PHF21A: variants seen among roughly 807,000 people sequenced by gnomAD.
PHF21A encodes the protein PHD finger protein 21A.
A neutral mutation model predicts 82.5 loss-of-function variants in PHF21A; 11 were observed. The ratio of observed to expected loss-of-function variants is 0.13; its 90% CI spans 0.08 to 0.22. PHF21A has a LOEUF of 0.22. Ranked by LOEUF, PHF21A falls within the 10% of genes least tolerant of loss-of-function variation. PHF21A has a pLI of 1.00. For missense variants in PHF21A, 579 were observed against 837.8 expected, an observed-to-expected ratio of 0.69 and a Z score of 3.81; for synonymous variants, 297 against 302.8, an observed-to-expected ratio of 0.98 and a Z score of 0.20.
rs907420883 is a variant in PHF21A, at chr11:46,059,648, C to T, written c.153+17106G>A. On this transcript the variant is annotated intron_variant, in intron 6 of 18. Transcript: ENST00000676320. ...CCATGGTGCCTAGGTTGGTCTCAAA[C>T]TGGCCTCAAAGGATCCTTCTGCCTC... Among the ~76,000 whole-genome samples, 3 of 152,124 alleles carry T rather than the reference C, an allele frequency of 2.0e-5. 1 individual carries two copies. The highest frequency in any genetic ancestry group is 1.3e-4 in the Admixed American group (2 of 15,260).
chr11:45,958,356 GGTTCAAGA>G (rs2092815498), intron 10 of PHF21A, among the ~76,000 whole-genome samples: 1 of 124,892 alleles, frequency 8.0e-6, no homozygotes, highest in South Asian at 2.9e-4. Context: ...TGAGCTCAGG[GGTTCAAGA>G]CCAGCCTGAG....
chr11:45,995,410 A>G (rs1368790121), intron 6 of PHF21A, among the ~76,000 whole-genome samples: 1 of 152,190 alleles, frequency 6.6e-6, no homozygotes, highest in Non-Finnish European at 1.5e-5. Context: ...AATCATTCTT[A>G]CACAGGGGTG....
At chr11:46,001,421 A>C (rs1001157713) in intron 6 of PHF21A, among the ~76,000 whole-genome samples, 39 of 151,750 alleles carry the variant, frequency 2.6e-4, no homozygotes, top group Admixed American at 1.3e-3. Context: ...TGTAGATTCT[A>C]ATGAGATAAG....
At position 46,103,797 on chromosome 11, in the gene PHF21A, C is replaced by T. The variant is rs113981588; in HGVS notation, c.-236-11574G>A. On this transcript the variant is annotated intron_variant, in intron 1 of 18. Transcript: ENST00000676320. The stretch of plus-strand genomic sequence containing the variant: ...AGACCAAAAACGTTCAGATCCTGAT[C>T]AGTAGTGAATGAACAAAGTTAATTA... Among the ~76,000 whole-genome samples the T allele has an allele frequency of 2.9e-3, 437 of 152,294 alleles. 1 individual carries two copies. Among genetic ancestry groups the T allele is most frequent in the Non-Finnish European group, 4.3e-3 (293 of 68,022 alleles).
At chr11:46,094,941 C>A (rs1342422561) in intron 1 of PHF21A, among the ~76,000 whole-genome samples, 1 of 152,080 alleles carries the variant, frequency 6.6e-6, no homozygotes, top group African/African-American at 2.4e-5. Flanking sequence ...TAAGGGATCC[C>A]CATGAATGGG....
At chr11:46,024,483 TC>T (rs2095699327) in intron 6 of PHF21A, among the ~76,000 whole-genome samples, 1 of 152,194 alleles carries the variant, frequency 6.6e-6, no homozygotes, top group African/African-American at 2.4e-5. Flanking sequence ...TTCTATTTTT[TC>T]CTCTATACTT....
intron 5 of PHF21A, 137 bp downstream of exon 5, chr11:46,078,997 G>T: frequency 1.8e-6 from 1 of 542,220 alleles, no homozygotes; most frequent in Non-Finnish European, 3.3e-6. Flanking sequence ...GAAGATCAAT[G>T]TATTAAAAAT....
intron 6 of PHF21A, among the ~76,000 whole-genome samples, chr11:46,073,614 C>T (rs1047593541): frequency 1.1e-4 from 16 of 152,196 alleles, no homozygotes; most frequent in African/African-American, 3.9e-4. Context: ...TTTTTGCATA[C>T]GTTTACACGC....
At chr11:45,979,702 G>A in intron 7 of PHF21A, 58 bp downstream of exon 7, 1 of 1,611,024 alleles carries the variant, frequency 6.2e-7, no homozygotes, top group South Asian at 1.1e-5. Context: ...AGTTCTATAT[G>A]ACCAACAACA....
intron 1 of PHF21A, among the ~76,000 whole-genome samples, chr11:46,109,584 G>A (rs2097188271): frequency 6.6e-6 from 1 of 151,958 alleles, no homozygotes; most frequent in Non-Finnish European, 1.5e-5. Context: ...TCATTCCCAT[G>A]ACAACACACC....
intron 6 of PHF21A, 90 bp from the exon 7 acceptor site, chr11:45,980,056 T>C: frequency 1.3e-6 from 2 of 1,562,984 alleles, no homozygotes; most frequent in Non-Finnish European, 1.7e-6. Context: ...TTTCTATAAA[T>C]AGCTTCATCT....
chr11:46,076,570 T>C (rs1431107581), intron 6 of PHF21A, among the ~76,000 whole-genome samples, 184 bp downstream of exon 6: 1 of 152,188 alleles, frequency 6.6e-6, no homozygotes, highest in Non-Finnish European at 1.5e-5. Flanking sequence ...TGGGATACTC[T>C]AGAGACTGAT....
rs1218452237 is a variant in PHF21A at position 45,945,149 on chromosome 11, C to G, written c.1452+691G>C. Among the ~76,000 whole-genome samples, 3 of 152,348 alleles carry G rather than the reference C, an allele frequency of 2.0e-5. No homozygotes were observed. In the East Asian group the frequency reaches 5.8e-4, roughly 29 times the overall value. ...CCTCTTTAGATGAGCTCCTTGAGGA[C>G]AGGGAGTTGGTTTTGTTCCCTGCTG... On this transcript the variant is annotated intron_variant, in intron 15 of 18. Transcript: ENST00000676320.
In PHF21A at chr11:46,001,494, C is replaced by A. The variant is rs2095130256; in HGVS notation, c.154-21528G>T. On this transcript the variant is annotated intron_variant, in intron 6 of 18. Transcript: ENST00000676320. ...TAACAATAGAAGCTCCAGTTGGTGT[C>A]TCCGTCACATGCACCACAGCATCAA... Among the ~76,000 whole-genome samples the A allele has an allele frequency of 2.0e-5, 3 of 152,068 alleles. No homozygotes were observed. The South Asian group carries it at 6.2e-4, about 32-fold the overall frequency.
chr11:46,081,064 T>C (rs1480359066), intron 4 of PHF21A, among the ~76,000 whole-genome samples: 2 of 152,192 alleles, frequency 1.3e-5, no homozygotes, highest in African/African-American at 2.4e-5. Context: ...GACGAGTGAA[T>C]AGGTTGTAAT....
chr11:46,062,773 A>C (rs974042536), intron 6 of PHF21A, among the ~76,000 whole-genome samples: 1 of 152,250 alleles, frequency 6.6e-6, no homozygotes, highest in Non-Finnish European at 1.5e-5. Context: ...GTTTCTTAAA[A>C]AGTTAAAAAC....
intron 16 of PHF21A, 94 bp downstream of exon 16, chr11:45,938,063 G>A (rs1565151390): frequency 5.4e-6 from 6 of 1,105,760 alleles, no homozygotes; most frequent in African/African-American, 1.6e-5. Context: ...CTGGGAGAGA[G>A]AAGAGACTGC....
Position 46,096,187 on chromosome 11 carries a change from G to A in PHF21A, c.-236-3964C>T, listed in dbSNP as rs1165271099. Among the ~76,000 whole-genome samples the A allele has an allele frequency of 3.3e-5, 5 of 151,666 alleles. 1 individual carries two copies. In the East Asian group the frequency reaches 9.7e-4, roughly 29 times the overall value. ...GTACCCACCTCTCTTACCCTCTCCTGGACATTCCTCTAGCTCTTTTCCTTT... is the reference window on the plus strand; with the variant it reads ...GTACCCACCTCTCTTACCCTCTCCTAGACATTCCTCTAGCTCTTTTCCTTT... On this transcript the variant is annotated intron_variant, in intron 1 of 18. Coordinates refer to ENST00000676320, the MANE Select transcript of PHF21A (RefSeq NM_001352027.3).
intron 3 of PHF21A, among the ~76,000 whole-genome samples, chr11:46,086,359 T>G (rs573865421): frequency 6.6e-6 from 1 of 152,188 alleles, no homozygotes. Flanking sequence ...GACCTCGTGA[T>G]CCGCCCGTCC....
Sources: allele counts gnomAD v4.1 joint callset (sites outside exome capture counted in the v4.1 genomes callset), GRCh38; gene constraint gnomAD v4.1.1; transcripts MANE v1.5; gene names NCBI Gene and HGNC (gene_info 2026-07-23, HGNC 2026-07-21).